EXOC3: variants seen among roughly 807,000 people sequenced by gnomAD.
EXOC3 encodes SEC6-like 1.
In EXOC3, 21 loss-of-function variants were observed where a neutral mutation model predicts 73.7. The ratio of observed to expected loss-of-function variants is 0.29; its 90% CI spans 0.20 to 0.41. The LOEUF (loss-of-function observed/expected upper bound fraction) is 0.41, where lower values mean the gene tolerates loss of function less well. Ranked by LOEUF, EXOC3 falls within the 10% of genes least tolerant of loss-of-function variation. The pLI, the probability that EXOC3 is intolerant of heterozygous loss-of-function variation, is 1.00. For synonymous variants in EXOC3, 410 were observed against 389.1 expected (o/e 1.05, Z -0.63); for missense variants, 842 against 985.1 (o/e 0.85, Z 1.95).
chr5:452,331 T>C (rs1010853595), intron 3 of EXOC3, among the ~76,000 whole-genome samples: 5 of 152,232 alleles, frequency 3.3e-5, no homozygotes, highest in African/African-American at 7.2e-5. Context: ...CTTTAGTGAA[T>C]TTTTCATTTC....
At chr5:461,002 G>A (rs918065301) in intron 7 of EXOC3, among the ~76,000 whole-genome samples, 3 of 152,162 alleles carry the variant, frequency 2.0e-5, no homozygotes, top group Admixed American at 6.5e-5. Flanking sequence ...CCCACAGTAA[G>A]TTTAAAAATA....
chr5:446,392 A>C, intron 2 of EXOC3, 43 bp downstream of exon 2: 1 of 1,519,478 alleles, frequency 6.6e-7, no homozygotes, highest in South Asian at 1.3e-5. Context: ...CTTGGGCTTC[A>C]GGTTCTTGCT....
chr5:449,681 T>G (rs1417554389), intron 3 of EXOC3, among the ~76,000 whole-genome samples: 1 of 152,254 alleles, frequency 6.6e-6, no homozygotes, highest in Non-Finnish European at 1.5e-5. Flanking sequence ...CACATTTTGC[T>G]TATCCGTTTG....
rs1325721709 is a variant in EXOC3, at chr5:453,857, G to A, written c.852G>A (p.Lys284=). ...TCCGCCACCTGGAAATTATAAGGAA[G>A]TACGTCCTGGATGACCTCATTGTCG... ...WLVRHLEIIR[K]YVLDDLIVAK... Residue 284 remains lysine (K), a synonymous_variant, in exon 4 of 13, where the codon AAG becomes AAA. Coordinates refer to ENST00000512944, the MANE Select transcript of EXOC3 (RefSeq NM_007277.5). 1 of 1,613,802 alleles carries A rather than the reference G, an allele frequency of 6.2e-7. No homozygotes were observed. The highest frequency in any genetic ancestry group is 1.3e-5 in the African/African-American group (1 of 74,912).
At position 466,500 on chromosome 5, in the gene EXOC3, T is replaced by G. The variant is rs1738155970; in HGVS notation, c.2067-227T>G. The G allele has an allele frequency of 9.3e-6, 5 of 537,310 alleles. No homozygotes were observed. The South Asian group carries it at 1.2e-4, about 12-fold the overall frequency. The allele number at this position is 537,310 out of a possible 1,614,324, so 33.3% of individuals were successfully genotyped here. A position where few individuals can be genotyped will look rare whatever the true frequency, so the allele number is the denominator to read the frequency against. ...CCTCTGGTTGGGCCGGAACAAAGATTTATAAAAGCAGTGTTGAAAAATCTT... is the reference window on the plus strand; with the variant it reads ...CCTCTGGTTGGGCCGGAACAAAGATGTATAAAAGCAGTGTTGAAAAATCTT... On this transcript the variant is annotated intron_variant, in intron 12 of 12. Transcript: ENST00000512944.
At chr5:458,220 ATACT>A (rs967399973) in intron 6 of EXOC3, among the ~76,000 whole-genome samples, 195 bp downstream of exon 6, 2 of 152,208 alleles carry the variant, frequency 1.3e-5, no homozygotes, top group Admixed American at 1.3e-4. Context: ...ACCTGGGATG[ATACT>A]TACCAAATAG....
chr5:457,790 C>T, intron 5 of EXOC3, 110 bp from the exon 6 acceptor site: 1 of 1,207,668 alleles, frequency 8.3e-7, no homozygotes, highest in Non-Finnish European at 1.1e-6. Flanking sequence ...ACGCTGGTGC[C>T]CTGTGTCTGG....
At chr5:452,170 C>A (rs920866274) in intron 3 of EXOC3, among the ~76,000 whole-genome samples, 22 of 152,174 alleles carry the variant, frequency 1.4e-4, no homozygotes, top group Non-Finnish European at 2.9e-4. Flanking sequence ...CATATGTTGG[C>A]CTGCTTGATG....
Position 461,969 on chromosome 5 carries a change from T to A in EXOC3, c.1401T>A (p.Asp467Glu). The A allele has an allele frequency of 6.3e-7, 1 of 1,589,918 alleles. No individual in the cohort carries two copies. The highest frequency in any genetic ancestry group is 8.6e-7 in the Non-Finnish European group (1 of 1,167,896). Reference protein sequence around the residue: ...QMNSFLSRYKDEAQLYKEEHL... With the variant: ...QMNSFLSRYKEEAQLYKEEHL... ...GCCTGTCTGTCCTCAGATATAAAGA[T>A]GAAGCGCAGCTGTATAAAGAAGAGC... Residue 467 changes from aspartate (D) to glutamate (E), a missense_variant, in exon 8 of 13, where the codon GAT becomes GAA. Transcript: ENST00000512944.
chr5:464,914 G>A, intron 10 of EXOC3, 197 bp from the exon 11 acceptor site: 1 of 624,998 alleles, frequency 1.6e-6, no homozygotes, highest in East Asian at 2.8e-5. Context: ...TGGTGCGGGG[G>A]TCCAGGTCAC....
intron 3 of EXOC3, among the ~76,000 whole-genome samples, chr5:452,909 C>T (rs1340405677): frequency 6.6e-6 from 1 of 152,190 alleles, no homozygotes; most frequent in Non-Finnish European, 1.5e-5. Flanking sequence ...CCCTGGAGCT[C>T]TGTGGGGGTG....
At chr5:450,848 C>G (rs779093904) in intron 3 of EXOC3, among the ~76,000 whole-genome samples, 1 of 148,100 alleles carries the variant, frequency 6.8e-6, no homozygotes, top group Non-Finnish European at 1.5e-5. Flanking sequence ...CACTCCTGTT[C>G]TCTTTTGGTT....
intron 6 of EXOC3, 109 bp from the exon 7 acceptor site, chr5:459,250 C>G (rs1427993814): frequency 2.9e-6 from 1 of 344,074 alleles, no homozygotes. Flanking sequence ...TGAATTTGGA[C>G]TATCCTAAAT....
rs896419303 is a variant in EXOC3, at chr5:467,256, C to T, written c.*358C>T. 22 of 244,130 alleles carry T rather than the reference C, an allele frequency of 9.0e-5. 1 individual carries two copies. Among genetic ancestry groups the T allele is most frequent in the African/African-American group, 4.9e-4 (22 of 45,000 alleles). 15.1% of individuals were successfully genotyped at this position (244,130 alleles called of 1,614,324 possible). On this transcript the variant is annotated 3_prime_UTR_variant, in exon 13 of 13. Transcript: ENST00000512944. ...TCTGCTTAAGTGCTCGGAACCCCGT[C>T]ACCTAATTAAAGTTTCTCGGCTTCC...
chr5:465,686 G>C, intron 11 of EXOC3, 32 bp from the exon 12 acceptor site: 1 of 1,613,040 alleles, frequency 6.2e-7, no homozygotes, highest in Non-Finnish European at 8.5e-7. Flanking sequence ...GGACAGCCGA[G>C]GGCGGCTCCT....
At chr5:460,485 T>C (rs1161605522) in intron 7 of EXOC3, among the ~76,000 whole-genome samples, 1 of 152,014 alleles carries the variant, frequency 6.6e-6, no homozygotes, top group Admixed American at 6.5e-5. Flanking sequence ...CCACTCAGAG[T>C]TCCCATTTGC....
At chr5:461,373 G>T (rs1737979146) in intron 7 of EXOC3, among the ~76,000 whole-genome samples, 1 of 152,304 alleles carries the variant, frequency 6.6e-6, no homozygotes, top group East Asian at 1.9e-4. Flanking sequence ...CCAGCACTTT[G>T]GGAGGCTGAG....
rs1738179934 is a variant in EXOC3 at position 467,284 on chromosome 5, A to T, written c.*386A>T. The T allele has an allele frequency of 5.1e-6, 1 of 196,864 alleles. No homozygotes were observed. Among genetic ancestry groups the T allele is most frequent in the Admixed American group, 5.8e-5 (1 of 17,226 alleles). 12.2% of individuals were successfully genotyped at this position (196,864 alleles called of 1,614,324 possible). A position where few individuals can be genotyped will look rare whatever the true frequency, so the allele number is the denominator to read the frequency against. ...CTAATTAAAGTTTCTCGGCTTCCTCAGAGAAATGAAAACGCCATGCATTCT... is the reference window on the plus strand; with the variant it reads ...CTAATTAAAGTTTCTCGGCTTCCTCTGAGAAATGAAAACGCCATGCATTCT... On this transcript the variant is annotated 3_prime_UTR_variant, in exon 13 of 13. Coordinates refer to ENST00000512944, the MANE Select transcript of EXOC3 (RefSeq NM_007277.5).
In EXOC3 at chr5:456,908, G is replaced by A. The variant is rs530637200; in HGVS notation, c.1066G>A (p.Val356Met). 3.1e-6 allele frequency: 5 copies of A among 1,613,934 alleles called. No homozygotes were observed. The highest frequency in any genetic ancestry group is 2.2e-5 in the East Asian group (1 of 44,880). Residue 356 changes from valine (V) to methionine (M), a missense_variant, in exon 5 of 13, where the codon GTG (valine) becomes ATG (methionine). Coordinates refer to ENST00000512944, the MANE Select transcript of EXOC3 (RefSeq NM_007277.5). ...CCATAGTACTGAGATGATGAGGAAC[G>A]TGGAGCTGGCCCCGGAAGTGGATGT... ...TYTSTEMMRN[V>M]ELAPEVDVGT... is the part of the protein sequence containing the mutation.
Sources: allele counts gnomAD v4.1 joint callset (sites outside exome capture counted in the v4.1 genomes callset), GRCh38; gene constraint gnomAD v4.1.1; transcripts MANE v1.5; gene names NCBI Gene and HGNC (gene_info 2026-07-23, HGNC 2026-07-21).